GABRG1: variants seen among roughly 807,000 people sequenced by gnomAD.
The protein encoded by GABRG1 is gamma-aminobutyric acid receptor subunit gamma-1.
Under a neutral mutation model 49.8 loss-of-function variants are expected in GABRG1, and 49 were observed. That is an observed-to-expected ratio of 0.98 (90% CI 0.78 to 1.25). The LOEUF (loss-of-function observed/expected upper bound fraction) is 1.25. GABRG1 is among the 50% of genes most tolerant of loss of function. The probability of loss-of-function intolerance (pLI) is 0.00; values close to 1 mark genes in which losing one functional copy is unlikely to be tolerated. For missense variants in GABRG1, 552 were observed against 552.3 expected (o/e 1.00, Z 0.01); for synonymous variants, 232 against 185.1 (o/e 1.25, Z -2.06).
In GABRG1 at chr4:46,081,491, G is replaced by A. The variant is rs545801471; in HGVS notation, c.321+2495C>T. Among the ~76,000 whole-genome samples, 6 of 151,908 alleles carry A rather than the reference G, an allele frequency of 3.9e-5. 1 individual carries two copies. The highest frequency in any genetic ancestry group is 1.2e-4 in the African/African-American group (5 of 41,500). On this transcript the variant is annotated intron_variant, in intron 3 of 8. Transcript: ENST00000295452. Reference sequence around the variant, plus strand: ...AGTCATGTGAAGATTACATTGAGTAGGAGAAAAACTGAGTGTGACTGTCAC... The same window carrying A: ...AGTCATGTGAAGATTACATTGAGTAAGAGAAAAACTGAGTGTGACTGTCAC...
At chr4:46,060,736 C>A (rs1411501699) in intron 5 of GABRG1, among the ~76,000 whole-genome samples, 1 of 152,096 alleles carries the variant, frequency 6.6e-6, no homozygotes, top group Non-Finnish European at 1.5e-5. Context: ...TTTTCTCCAT[C>A]TTCTTTCACT....
rs764481527 is a variant in GABRG1 at position 46,065,409 on chromosome 4, C to A, written c.497G>T (p.Arg166Leu). Residue 166 changes from arginine (R) to leucine (L), a missense_variant, in exon 4 of 9, where the codon CGT becomes CTT. Physicochemically the swap from Arg to Leu is moderately radical, Grantham distance 102. Coordinates refer to ENST00000295452, the MANE Select transcript of GABRG1 (RefSeq NM_173536.4). ...TCCATCATTCCAAATTCGAAGCAGACGATTAGGAGTTGTTATCCAGTGAGC... is the reference window on the plus strand; with the variant it reads ...TCCATCATTCCAAATTCGAAGCAGAAGATTAGGAGTTGTTATCCAGTGAGC... ...SDAHWITTPN[R>L]LLRIWNDGRV... is the part of the protein sequence containing the mutation. 2 of 1,613,338 alleles carry A rather than the reference C, an allele frequency of 1.2e-6. No homozygotes were observed. Among genetic ancestry groups the A allele is most frequent in the East Asian group, 4.5e-5 (2 of 44,776 alleles).
Position 46,056,150 on chromosome 4 carries a change from TTAAAAAAAA to T in GABRG1, c.916+2058_916+2066del, listed in dbSNP as rs1315166434. On this transcript the variant is annotated intron_variant, in intron 7 of 8. Transcript: ENST00000295452. ...AAAAAAAAAAAAATAAATAAATAAA[TTAAAAAAAA>T]AAAAAAAAAAAAAAAAAAAAATAGT... is the stretch of plus-strand genomic sequence containing the variant. 3.5e-4 allele frequency among the ~76,000 whole-genome samples: 16 copies of T among 46,068 alleles called. 1 individual carries two copies. Among genetic ancestry groups the T allele is most frequent in the Admixed American group, 1.3e-3 (5 of 3,834 alleles). 30.2% of individuals were successfully genotyped at this position (46,068 alleles called of 152,430 possible).
intron 1 of GABRG1, among the ~76,000 whole-genome samples, chr4:46,097,990 G>A (rs186081403): frequency 1.7e-3 from 255 of 151,684 alleles, no homozygotes; most frequent in Non-Finnish European, 2.8e-3. Context: ...TTGGGAGGAG[G>A]CATAACTATC....
chr4:46,044,531 C>T (rs1717912670), intron 8 of GABRG1, among the ~76,000 whole-genome samples: 2 of 151,780 alleles, frequency 1.3e-5, no homozygotes, highest in African/African-American at 4.8e-5. Context: ...CGAGGAGCTG[C>T]CAATCAGCAT....
At chr4:46,071,569 T>C (rs1719124364) in intron 3 of GABRG1, among the ~76,000 whole-genome samples, 1 of 151,702 alleles carries the variant, frequency 6.6e-6, no homozygotes, top group Non-Finnish European at 1.5e-5. Flanking sequence ...CCAGACGACG[T>C]ATTGTTATCA....
chr4:46,064,633 C>T (rs1218161185), intron 4 of GABRG1, 110 bp from the exon 5 acceptor site: 1 of 466,336 alleles, frequency 2.1e-6, no homozygotes, highest in Non-Finnish European at 3.8e-6. Flanking sequence ...AGATTGTGAC[C>T]TATTAGAATA....
At chr4:46,076,989 A>G (rs1262538510) in intron 3 of GABRG1, among the ~76,000 whole-genome samples, 1 of 151,646 alleles carries the variant, frequency 6.6e-6, no homozygotes, top group Non-Finnish European at 1.5e-5. Flanking sequence ...TTCCACATGT[A>G]AAATAATTCA....
At chr4:46,072,846 T>A (rs1312503179) in intron 3 of GABRG1, among the ~76,000 whole-genome samples, 1 of 152,034 alleles carries the variant, frequency 6.6e-6, no homozygotes, top group African/African-American at 2.4e-5. Context: ...GTTTACCTGT[T>A]TTTTAAACCT....
At chr4:46,067,259 A>G (rs975590753) in intron 3 of GABRG1, among the ~76,000 whole-genome samples, 6 of 152,064 alleles carry the variant, frequency 3.9e-5, no homozygotes, top group African/African-American at 1.4e-4. Flanking sequence ...TTGAGAAGCT[A>G]CCTCATTTTA....
At chr4:46,053,147 T>G (rs960275937) in intron 7 of GABRG1, among the ~76,000 whole-genome samples, 1 of 151,938 alleles carries the variant, frequency 6.6e-6, no homozygotes, top group Non-Finnish European at 1.5e-5. Context: ...GTCTTTTTTT[T>G]AAATTTCCAA....
chr4:46,115,073 T>C (rs891316000), intron 1 of GABRG1, among the ~76,000 whole-genome samples: 5 of 150,830 alleles, frequency 3.3e-5, no homozygotes, highest in Non-Finnish European at 6.0e-5. Context: ...ATCTCACCTT[T>C]TGTGTGTAAC....
intron 3 of GABRG1, among the ~76,000 whole-genome samples, chr4:46,071,628 T>C (rs773284039): frequency 2.6e-5 from 4 of 151,564 alleles, no homozygotes; most frequent in Non-Finnish European, 5.9e-5. Flanking sequence ...GACCTTCTAG[T>C]GGGACAAGAT....
At chr4:46,094,753 C>A (rs1720112608) in intron 2 of GABRG1, among the ~76,000 whole-genome samples, 1 of 151,922 alleles carries the variant, frequency 6.6e-6, no homozygotes, top group African/African-American at 2.4e-5. Context: ...CACCCCAACA[C>A]CACAATCAAA....
chr4:46,048,951 G>A (rs886188429), intron 8 of GABRG1, among the ~76,000 whole-genome samples: 1 of 151,872 alleles, frequency 6.6e-6, no homozygotes, highest in East Asian at 1.9e-4. Context: ...GTCAGGAAAA[G>A]GATTTTAATT....
intron 3 of GABRG1, among the ~76,000 whole-genome samples, chr4:46,075,688 TA>T (rs1472807325): frequency 6.6e-6 from 1 of 152,012 alleles, no homozygotes; most frequent in Non-Finnish European, 1.5e-5. Flanking sequence ...ACAAAAAATT[TA>T]AAAAATCAAA....
At chr4:46,094,663 A>G (rs912471780) in intron 2 of GABRG1, among the ~76,000 whole-genome samples, 1 of 151,962 alleles carries the variant, frequency 6.6e-6, no homozygotes, top group African/African-American at 2.4e-5. Context: ...CAAGGGGAGT[A>G]CCTCATGCTT....
rs911047711 is a variant in GABRG1 at position 46,037,647 on chromosome 4, A to T, written c.*3341T>A. 1.3e-5 allele frequency: 2 copies of T among 151,788 alleles called. No homozygotes were observed. The highest frequency in any genetic ancestry group is 2.9e-5 in the Non-Finnish European group (2 of 67,808). The allele number at this position is 151,788 out of a possible 1,614,324, so 9.4% of individuals were successfully genotyped here. On this transcript the variant is annotated 3_prime_UTR_variant, in exon 9 of 9. Transcript: ENST00000295452. ...TTTTTACAGGAAATTTTGTAAGAGT[A>T]AAAATAGGTACTGGTATAGAACTTT...
At chr4:46,115,958 A>G (rs1720871519) in intron 1 of GABRG1, among the ~76,000 whole-genome samples, 1 of 150,862 alleles carries the variant, frequency 6.6e-6, no homozygotes, top group Non-Finnish European at 1.5e-5. Context: ...AGACAATTAT[A>G]AAACAGATTT....
Sources: gnomAD v4.1 joint callset for allele counts (sites outside exome capture counted in the v4.1 genomes callset) on GRCh38, gnomAD v4.1.1 for gene constraint, MANE v1.5 for transcripts, NCBI Gene and HGNC (gene_info 2026-07-23, HGNC 2026-07-21) for gene names.